The following HHIP variants were observed in gnomAD, a reference collection of about 807,000 sequenced individuals.
HHIP encodes the protein hedgehog-interacting protein.
HHIP carries 12 observed loss-of-function variants against 74.0 expected under a neutral mutation model. The ratio of observed to expected loss-of-function variants is 0.16; its 90% confidence interval spans 0.10 to 0.26. The LOEUF is 0.26. Ranked by LOEUF, HHIP falls within the 10% of genes least tolerant of loss-of-function variation. HHIP has a pLI of 1.00. For missense variants in HHIP, 788 were observed against 845.0 expected (o/e 0.93, Z 0.84); for synonymous variants, 309 against 311.6 (o/e 0.99, Z 0.09).
At chr4:144,692,598 T>C (rs888659021) in intron 4 of HHIP, among the ~76,000 whole-genome samples, 1 of 152,184 alleles carries the variant, frequency 6.6e-6, no homozygotes, top group African/African-American at 2.4e-5. Flanking sequence ...TCCCCCTGAA[T>C]TCTTTCCCGT....
chr4:144,719,037 G>A lies in HHIP; in HGVS notation c.1760+81G>A. ...AGTTCATTCAATTAATGATAGGAAT[G>A]TCACAATTAGCAATCAGCCAAGATG... On this transcript the variant is annotated intron_variant, in intron 11 of 12. Coordinates refer to ENST00000296575, the MANE Select transcript of HHIP (RefSeq NM_022475.3). 3 of 858,204 alleles carry A rather than the reference G, an allele frequency of 3.5e-6. No homozygotes were observed. The South Asian group carries it at 4.2e-5, about 12-fold the overall frequency. The allele number at this position is 858,204 out of a possible 1,614,324, so 53.2% of individuals were successfully genotyped here.
At chr4:144,647,982 G>T (rs1380053111) in intron 1 of HHIP, among the ~76,000 whole-genome samples, 1 of 130,388 alleles carries the variant, frequency 7.7e-6, no homozygotes, top group African/African-American at 2.6e-5. Flanking sequence ...GCTGGCCCAG[G>T]CATAATAAAA....
At position 144,742,150 on chromosome 4, in the gene HHIP, T is replaced by G. The variant is rs1412635303; in HGVS notation, c.*4193T>G. The G allele has an allele frequency of 6.6e-6, 1 of 152,180 alleles. No individual in the cohort carries two copies. The highest frequency in any genetic ancestry group is 6.5e-5 in the Admixed American group (1 of 15,274). The allele number at this position is 152,180 out of a possible 1,614,324, so 9.4% of individuals were successfully genotyped here. On this transcript the variant is annotated 3_prime_UTR_variant, in exon 13 of 13. Transcript: ENST00000296575. ...TCCTACATTTTCTATTGGTTTTGCC[T>G]AAATAGACATGTTCTCAATACACCC...
At chr4:144,650,748 A>G (rs1294128958) in intron 1 of HHIP, 1 of 152,242 alleles carries the variant, frequency 6.6e-6, no homozygotes, top group Admixed American at 6.5e-5. Flanking sequence ...ATAATATTAT[A>G]CTTGATTTCA....
intron 12 of HHIP, among the ~76,000 whole-genome samples, chr4:144,735,491 T>C (rs1731090409): frequency 6.6e-6 from 1 of 152,198 alleles, no homozygotes; most frequent in East Asian, 1.9e-4. Context: ...AGGGTTGTTC[T>C]AGCCTATAAC....
Position 144,740,848 on chromosome 4 carries a change from T to A in HHIP, c.*2891T>A, listed in dbSNP as rs1052095371. On this transcript the variant is annotated 3_prime_UTR_variant, in exon 13 of 13. Transcript: ENST00000296575. ...TGAAAAAGAAAAATGTATATTATTA[T>A]TCCCTTGTCCATTCTCAAGTTTAAG... The A allele has an allele frequency of 1.3e-5, 2 of 152,212 alleles. No homozygotes were observed. Among genetic ancestry groups the A allele is most frequent in the African/African-American group, 4.8e-5 (2 of 41,452 alleles). The allele number at this position is 152,212 out of a possible 1,614,324, so 9.4% of individuals were successfully genotyped here.
At chr4:144,681,491 T>TCTCGG (rs1729342383) in intron 4 of HHIP, among the ~76,000 whole-genome samples, 1 of 147,528 alleles carries the variant, frequency 6.8e-6, no homozygotes, top group Non-Finnish European at 1.5e-5. Flanking sequence ...AGTGGCGTAA[T>TCTCGG]CTCGGCTCAC....
chr4:144,732,397 A>G (rs966880459), intron 11 of HHIP, among the ~76,000 whole-genome samples: 7 of 152,222 alleles, frequency 4.6e-5, no homozygotes, highest in African/African-American at 1.7e-4. Flanking sequence ...CCGTGGGTAA[A>G]CAAGCATTTA....
intron 9 of HHIP, among the ~76,000 whole-genome samples, chr4:144,714,752 C>G (rs1168892005): frequency 6.6e-6 from 1 of 152,046 alleles, no homozygotes; most frequent in Non-Finnish European, 1.5e-5. Context: ...ATTTTCAGGA[C>G]TTTAAGCGAG....
chr4:144,659,681 G>A lies in HHIP; in HGVS notation c.674G>A (p.Gly225Glu). 1.3e-6 allele frequency: 2 copies of A among 1,564,606 alleles called. No homozygotes were observed. The highest frequency in any genetic ancestry group is 8.6e-7 in the Non-Finnish European group (1 of 1,160,530). The change falls in exon 4 of 13, where the codon GGG (glycine) becomes GAG (glutamate). Residue 225 changes from glycine to glutamate, a missense_variant. By Grantham distance (98) the Gly-to-Glu change is moderately conservative (BLOSUM62 -2). Coordinates refer to ENST00000296575, the MANE Select transcript of HHIP (RefSeq NM_022475.3). ...NCFCIQEVVS[G>E]LRQPVGALHS... The stretch of plus-strand genomic sequence containing the variant: ...TTCTGTATTCAGGAGGTTGTGAGTG[G>A]GCTGCGGCAGCCCGTTGGTGCCCTG...
intron 4 of HHIP, among the ~76,000 whole-genome samples, chr4:144,685,158 T>C (rs575769370): frequency 2.0e-5 from 3 of 152,322 alleles, no homozygotes; most frequent in African/African-American, 7.2e-5. Context: ...GTGTTTGCTA[T>C]TCAAAACTGA....
At chr4:144,693,938 T>A (rs1193411202) in intron 4 of HHIP, among the ~76,000 whole-genome samples, 2 of 151,964 alleles carry the variant, frequency 1.3e-5, no homozygotes, top group South Asian at 4.1e-4. Flanking sequence ...ATAGCAAATG[T>A]TTATTTGCTA....
intron 11 of HHIP, among the ~76,000 whole-genome samples, chr4:144,730,954 T>C (rs1342602770): frequency 6.6e-6 from 1 of 152,208 alleles, no homozygotes; most frequent in East Asian, 1.9e-4. Context: ...CAATCCTCTC[T>C]CTTTATCTCA....
At chr4:144,664,615 A>T (rs1353781216) in intron 4 of HHIP, among the ~76,000 whole-genome samples, 1 of 152,240 alleles carries the variant, frequency 6.6e-6, no homozygotes, top group Non-Finnish European at 1.5e-5. Flanking sequence ...GTAACATAGC[A>T]TGCATACACA....
At chr4:144,678,257 A>G (rs530195404) in intron 4 of HHIP, among the ~76,000 whole-genome samples, 85 of 152,360 alleles carry the variant, frequency 5.6e-4, no homozygotes, top group Middle Eastern at 3.4e-3. Context: ...GAAACATCTA[A>G]TGATGAGGTT....
At chr4:144,671,461 G>C (rs1729034941) in intron 4 of HHIP, among the ~76,000 whole-genome samples, 1 of 152,106 alleles carries the variant, frequency 6.6e-6, no homozygotes, top group Non-Finnish European at 1.5e-5. Context: ...AGAAGAATTA[G>C]TTATTGGAGA....
At position 144,742,159 on chromosome 4, in the gene HHIP, A is replaced by G. The variant is rs1232815966; in HGVS notation, c.*4202A>G. 1 of 152,056 alleles carries G rather than the reference A, an allele frequency of 6.6e-6. No homozygotes were observed. Among genetic ancestry groups the G allele is most frequent in the African/African-American group, 2.4e-5 (1 of 41,390 alleles). 9.4% of individuals were successfully genotyped at this position (152,056 alleles called of 1,614,324 possible). Reference sequence around the variant, plus strand: ...TTCTATTGGTTTTGCCTAAATAGACATGTTCTCAATACACCCATGTTGAAG... The same window carrying G: ...TTCTATTGGTTTTGCCTAAATAGACGTGTTCTCAATACACCCATGTTGAAG... On this transcript the variant is annotated 3_prime_UTR_variant, in exon 13 of 13. Coordinates refer to ENST00000296575, the MANE Select transcript of HHIP (RefSeq NM_022475.3).
intron 4 of HHIP, among the ~76,000 whole-genome samples, chr4:144,680,754 T>C (rs1729312418): frequency 6.6e-6 from 1 of 152,186 alleles, no homozygotes. Flanking sequence ...ATTGTAAACA[T>C]TCAGGTAGAG....
chr4:144,663,023 T>C (rs58797593), intron 4 of HHIP, among the ~76,000 whole-genome samples: 3 of 152,096 alleles, frequency 2.0e-5, no homozygotes, highest in African/African-American at 2.4e-5. Flanking sequence ...TGGTGTCTCA[T>C]GCCTGTAATT....
Sources: allele counts gnomAD v4.1 joint callset (sites outside exome capture counted in the v4.1 genomes callset), GRCh38; gene constraint gnomAD v4.1.1; transcripts MANE v1.5; gene names NCBI Gene and HGNC (gene_info 2026-07-23, HGNC 2026-07-21).